CHID1: variants seen among roughly 807,000 people sequenced by gnomAD.
CHID1 encodes chitinase domain-containing protein 1.
A neutral mutation model predicts 55.4 loss-of-function variants in CHID1; 44 were observed. The ratio of observed to expected loss-of-function variants is 0.79; its 90% CI spans 0.62 to 1.02. The LOEUF is 1.02. Among genes scored for constraint, CHID1 ranks in the 50% least tolerant of loss-of-function variants. The probability of loss-of-function intolerance (pLI) is 0.00; values close to 1 mark genes in which losing one functional copy is unlikely to be tolerated. For synonymous variants in CHID1, 216 were observed against 212.9 expected, an observed-to-expected ratio of 1.01 and a Z score of -0.13; for missense variants, 491 against 515.3, an observed-to-expected ratio of 0.95 and a Z score of 0.46.
upstream of CHID1, chr11:914,569 T>A: frequency 1.6e-6 from 2 of 1,289,326 alleles, no homozygotes; most frequent in Non-Finnish European, 1.0e-6. Flanking sequence ...CTCACAGACA[T>A]CCTCAAAAGC....
intron 11 of CHID1, 49 bp from the exon 12 acceptor site, chr11:870,212 C>T (rs1308998728): frequency 1.2e-6 from 2 of 1,610,964 alleles, no homozygotes; most frequent in Non-Finnish European, 1.7e-6. Context: ...GGTTCCAGGC[C>T]TCCTCCCCTC....
chr11:900,061 G>A lies in CHID1; in HGVS notation c.489C>T (p.Val163=). ...EDWTYDDFRN[V]LDSEDEIEEL... ...CCTCTATCTCATCCTCACTGTCTAAGACGTTCCGGAAATCATCGTAAGTCC... is the reference window on the plus strand; with the variant it reads ...CCTCTATCTCATCCTCACTGTCTAAAACGTTCCGGAAATCATCGTAAGTCC... Residue 163 remains valine (V), a synonymous_variant, in exon 6 of 13, where the codon GTC becomes GTT. Transcript: ENST00000323578. 1 of 1,614,114 alleles carries A rather than the reference G, an allele frequency of 6.2e-7. No homozygotes were observed. The highest frequency in any genetic ancestry group is 8.5e-7 in the Non-Finnish European group (1 of 1,180,006).
chr11:913,870 G>A (rs1852819001), upstream of CHID1, among the ~76,000 whole-genome samples: 1 of 152,042 alleles, frequency 6.6e-6, no homozygotes, highest in African/African-American at 2.4e-5. Flanking sequence ...TTTGAAACCA[G>A]TCTGGGCAAC....
upstream of CHID1, among the ~76,000 whole-genome samples, chr11:912,771 G>C (rs1852771297): frequency 6.6e-6 from 1 of 151,758 alleles, no homozygotes; most frequent in Non-Finnish European, 1.5e-5. Flanking sequence ...GTGAACCCAG[G>C]AGGCGGAGCT....
chr11:880,803 A>T (rs894484142), intron 10 of CHID1, among the ~76,000 whole-genome samples: 1 of 152,250 alleles, frequency 6.6e-6, no homozygotes, highest in Non-Finnish European at 1.5e-5. Flanking sequence ...AGGCCTCCAC[A>T]AAAAGGACCA....
In CHID1 at chr11:902,246, G is replaced by A. The variant is rs1851874949; in HGVS notation, c.346C>T (p.Arg116Cys). The change falls in exon 4 of 13, where the codon CGT (arginine) becomes TGT (cysteine). Residue 116 changes from arginine to cysteine, a missense_variant. Coordinates refer to ENST00000323578, the MANE Select transcript of CHID1 (RefSeq NM_023947.4). ...ISPVWLQLKR[R>C]GREMFEVTGL... Reference sequence around the variant, plus strand: ...GTGACCTCAAACATCTCACGGCCACGTCTCTTCAGCTGCAGCCAGACGGGT... The same window carrying A: ...GTGACCTCAAACATCTCACGGCCACATCTCTTCAGCTGCAGCCAGACGGGT... 14 of 1,613,866 alleles carry A rather than the reference G, an allele frequency of 8.7e-6. No homozygotes were observed. Among genetic ancestry groups the A allele is most frequent in the Admixed American group, 5.0e-5 (3 of 59,994 alleles).
At chr11:891,846 C>G (rs1225725474) in intron 8 of CHID1, among the ~76,000 whole-genome samples, 1 of 149,418 alleles carries the variant, frequency 6.7e-6, no homozygotes, top group Non-Finnish European at 1.5e-5. Flanking sequence ...TCGGAAAAGG[C>G]TGGCCACGGT....
intron 8 of CHID1, among the ~76,000 whole-genome samples, chr11:885,482 C>A (rs1003384919): frequency 1.3e-5 from 2 of 152,168 alleles, no homozygotes; most frequent in Non-Finnish European, 2.9e-5. Context: ...TCAGCCCCGA[C>A]CTCTTTTCCT....
intron 7 of CHID1, among the ~76,000 whole-genome samples, chr11:897,739 A>G (rs1447949898): frequency 6.6e-6 from 1 of 152,222 alleles, no homozygotes; most frequent in East Asian, 1.9e-4. Context: ...AAGCAGACAG[A>G]GGAGCCTCTT....
chr11:876,988 G>A (rs1849563282), intron 10 of CHID1, among the ~76,000 whole-genome samples: 1 of 152,154 alleles, frequency 6.6e-6, no homozygotes, highest in African/African-American at 2.4e-5. Context: ...CCCCTCCTCT[G>A]TGCCACTCAG....
At chr11:870,000 C>T (rs752274383) in intron 12 of CHID1, 44 bp from the exon 13 acceptor site, 1 of 1,608,466 alleles carries the variant, frequency 6.2e-7, no homozygotes. Flanking sequence ...GGCCTGTCCC[C>T]CCAACACCCA....
intron 11 of CHID1, 64 bp from the exon 12 acceptor site, chr11:870,227 C>T (rs771825733): frequency 6.2e-7 from 1 of 1,602,762 alleles, no homozygotes; most frequent in African/African-American, 1.3e-5. Flanking sequence ...CCCCTCACAG[C>T]CAAGGTCCAC....
At position 899,322 on chromosome 11, in the gene CHID1, C is replaced by T. The variant is rs904999358; in HGVS notation, c.608+18G>A. On this transcript the variant is annotated intron_variant, in intron 7 of 12. Coordinates refer to ENST00000323578, the MANE Select transcript of CHID1 (RefSeq NM_023947.4). ...GGGCCAGGAGGAGGGCCACCCACCA[C>T]CACCTGTGCCCACTCACACGCGCTT... is the stretch of plus-strand genomic sequence containing the variant. 4 of 1,590,950 alleles carry T rather than the reference C, an allele frequency of 2.5e-6. No homozygotes were observed. In the African/African-American group the frequency reaches 5.4e-5, roughly 21 times the overall value.
chr11:909,438 T>C (rs1294944076), intron 1 of CHID1, among the ~76,000 whole-genome samples: 2 of 152,230 alleles, frequency 1.3e-5, no homozygotes, highest in Non-Finnish European at 2.9e-5. Context: ...GGTGGAGCGC[T>C]ACTGCTCCCA....
chr11:890,155 C>T (rs1850699370), intron 8 of CHID1, among the ~76,000 whole-genome samples: 1 of 152,230 alleles, frequency 6.6e-6, no homozygotes, highest in Non-Finnish European at 1.5e-5. Flanking sequence ...CGGTTAGCAC[C>T]CTTTGGCCCT....
At chr11:893,999 GTAATCCGAGCTACTCA>G (rs1851055153) in intron 7 of CHID1, among the ~76,000 whole-genome samples, 1 of 152,014 alleles carries the variant, frequency 6.6e-6, no homozygotes, top group Non-Finnish European at 1.5e-5. Context: ...GCAGGTTCCT[GTAATCCGAGCTACTCA>G]GGAGGCTGAG....
At chr11:898,964 TGAG>T (rs1851598530) in intron 7 of CHID1, among the ~76,000 whole-genome samples, 1 of 152,204 alleles carries the variant, frequency 6.6e-6, no homozygotes, top group Non-Finnish European at 1.5e-5. Flanking sequence ...CGAAGCTCAG[TGAG>T]GAGTTTCTGC....
intron 7 of CHID1, 82 bp from the exon 8 acceptor site, chr11:893,601 A>C: frequency 8.5e-7 from 1 of 1,176,478 alleles, no homozygotes; most frequent in Non-Finnish European, 1.2e-6. Context: ...TGCCTCAGGG[A>C]GGGGTGGGGC....
chr11:885,330 C>A (rs12574605), intron 8 of CHID1, among the ~76,000 whole-genome samples: 67,192 of 152,048 alleles, frequency 0.44, 15,601 homozygotes, highest in Admixed American at 0.52. Context: ...GCAGTTTTAT[C>A]CCAGCCCCTG....
Sources: gnomAD v4.1 joint callset for allele counts (sites outside exome capture counted in the v4.1 genomes callset) on GRCh38, gnomAD v4.1.1 for gene constraint, MANE v1.5 for transcripts, NCBI Gene and HGNC (gene_info 2026-07-23, HGNC 2026-07-21) for gene names.